Variants in FBN2 observed in about 807,000 individuals in gnomAD.
FBN2 encodes fibrillin 2.
Under a neutral mutation model 355.6 loss-of-function variants are expected in FBN2, and 105 were observed. The ratio of observed to expected loss-of-function variants is 0.30; its 90% CI spans 0.25 to 0.35. The LOEUF (loss-of-function observed/expected upper bound fraction) is 0.35. FBN2 is among the 10% of genes least tolerant of loss of function. FBN2 has a pLI of 1.00. For synonymous variants in FBN2, 1,350 were observed against 1,301.2 expected (o/e 1.04, Z -0.81); for missense variants, 3,280 against 3,758.7 (o/e 0.87, Z 3.33).
At chr5:128,445,721 G>C (rs940174121) in intron 7 of FBN2, among the ~76,000 whole-genome samples, 2 of 152,038 alleles carry the variant, frequency 1.3e-5, no homozygotes, top group African/African-American at 4.8e-5. Context: ...GATAAACATT[G>C]TATCAAAACT....
intron 11 of FBN2, among the ~76,000 whole-genome samples, chr5:128,385,309 T>G (rs1169205949): frequency 6.6e-6 from 1 of 152,086 alleles, no homozygotes. Flanking sequence ...CATATGGTAT[T>G]TGGTTTTCTG....
intron 16 of FBN2, among the ~76,000 whole-genome samples, 167 bp from the exon 17 acceptor site, chr5:128,366,597 A>C (rs1269786714): frequency 6.6e-6 from 1 of 152,064 alleles, no homozygotes; most frequent in Non-Finnish European, 1.5e-5. Context: ...AAAATTCTGA[A>C]CTTATAAATA....
At chr5:128,284,566 G>A (rs1159317775) in intron 55 of FBN2, among the ~76,000 whole-genome samples, 3 of 152,124 alleles carry the variant, frequency 2.0e-5, no homozygotes, top group Non-Finnish European at 2.9e-5. Flanking sequence ...AGCTGGTCAC[G>A]GGTCCTAAAG....
intron 11 of FBN2, among the ~76,000 whole-genome samples, chr5:128,390,202 C>G (rs1752475652): frequency 6.6e-6 from 1 of 152,198 alleles, no homozygotes; most frequent in African/African-American, 2.4e-5. Context: ...ACTTTCAAGT[C>G]TACCACTACT....
At chr5:128,519,625 G>GT (rs952669470) in intron 4 of FBN2, among the ~76,000 whole-genome samples, 16 of 148,590 alleles carry the variant, frequency 1.1e-4, no homozygotes, top group Middle Eastern at 3.5e-3. Context: ...AAGGTTTTTT[G>GT]TTTTTTTTTT....
chr5:128,426,385 C>T (rs1223862994), intron 7 of FBN2, among the ~76,000 whole-genome samples: 1 of 152,064 alleles, frequency 6.6e-6, no homozygotes, highest in African/African-American at 2.4e-5. Flanking sequence ...AAACTTTTGC[C>T]TGTAGACTTA....
intron 4 of FBN2, among the ~76,000 whole-genome samples, chr5:128,527,099 A>G (rs914286846): frequency 6.6e-6 from 1 of 152,180 alleles, no homozygotes; most frequent in Non-Finnish European, 1.5e-5. Context: ...AAAGGGACTT[A>G]TATTTGTGAT....
At chr5:128,272,234 A>C in intron 61 of FBN2, 116 bp from the exon 62 acceptor site, 4 of 1,176,224 alleles carry the variant, frequency 3.4e-6, no homozygotes, top group Non-Finnish European at 5.0e-6. Context: ...CAAACAAGAC[A>C]TGACACATAG....
chr5:128,495,356 C>A (rs1354444664), intron 5 of FBN2, among the ~76,000 whole-genome samples: 1 of 151,744 alleles, frequency 6.6e-6, no homozygotes, highest in Admixed American at 6.6e-5. Context: ...AAAGGAAATA[C>A]CAGAGGAAGA....
intron 5 of FBN2, among the ~76,000 whole-genome samples, chr5:128,507,829 C>T (rs1439444096): frequency 1.3e-4 from 20 of 151,938 alleles, no homozygotes; most frequent in Admixed American, 1.3e-3. Context: ...TTTTCTATGC[C>T]CGTATTGACT....
intron 6 of FBN2, among the ~76,000 whole-genome samples, chr5:128,458,678 C>T (rs1025452981): frequency 1.3e-5 from 2 of 152,048 alleles, no homozygotes; most frequent in Admixed American, 1.3e-4. Context: ...GGAAACTGAA[C>T]AACCTGCTCC....
intron 11 of FBN2, among the ~76,000 whole-genome samples, chr5:128,389,158 T>A (rs1003262202): frequency 1.3e-5 from 2 of 152,234 alleles, no homozygotes; most frequent in Non-Finnish European, 2.9e-5. Flanking sequence ...TATGAAATTC[T>A]TGTAGTGAGT....
intron 62 of FBN2, among the ~76,000 whole-genome samples, chr5:128,270,181 C>A (rs1323712897): frequency 6.6e-6 from 1 of 152,128 alleles, no homozygotes. Context: ...TTACACCTTA[C>A]ACAAAAATTA....
In FBN2 at chr5:128,311,952, A is replaced by G. The variant is rs1431688270; in HGVS notation, c.4881T>C (p.Thr1627=). 9 of 1,607,464 alleles carry G rather than the reference A, an allele frequency of 5.6e-6. No individual in the cohort carries two copies. Among genetic ancestry groups the G allele is most frequent in the Non-Finnish European group, 7.7e-6 (9 of 1,174,184 alleles). ...PCETCPPVNS[T]EYYTLCPGGE... ...CTCCGGGACACAGGGTGTAATATTC[A>G]GCTACAAAACAATAGAAAAATAAGA... Residue 1627 remains threonine, a splice_region_variant and synonymous_variant, in exon 38 of 65, where the codon ACT becomes ACC. Coordinates refer to ENST00000262464, the MANE Select transcript of FBN2 (RefSeq NM_001999.4).
intron 5 of FBN2, among the ~76,000 whole-genome samples, chr5:128,469,995 A>G (rs150139424): frequency 1.6e-3 from 241 of 152,336 alleles, no homozygotes; most frequent in African/African-American, 5.5e-3. Flanking sequence ...GGTAGTTTTC[A>G]AAGCAATGGG....
intron 19 of FBN2, among the ~76,000 whole-genome samples, chr5:128,358,683 G>A (rs535810450): frequency 1.5e-4 from 23 of 151,964 alleles, no homozygotes; most frequent in Non-Finnish European, 2.7e-4. Context: ...ACATCAATCC[G>A]AGTAGAGAAA....
intron 18 of FBN2, among the ~76,000 whole-genome samples, chr5:128,363,175 C>T (rs1751681917): frequency 6.6e-6 from 1 of 151,894 alleles, no homozygotes; most frequent in African/African-American, 2.4e-5. Flanking sequence ...CTCCCCTTCC[C>T]TCCCTTCCCT....
At chr5:128,285,148 C>T (rs1433380120) in intron 55 of FBN2, among the ~76,000 whole-genome samples, 1 of 152,164 alleles carries the variant, frequency 6.6e-6, no homozygotes, top group Non-Finnish European at 1.5e-5. Context: ...TCCTGTATAA[C>T]TTTAATTCCC....
chr5:128,309,838 T>TA, intron 40 of FBN2, 145 bp downstream of exon 40: 1 of 935,832 alleles, frequency 1.1e-6, no homozygotes, highest in South Asian at 1.4e-5. Flanking sequence ...AACTTGATAC[T>TA]AAGCCAGCAG....
Sources: gnomAD v4.1 joint callset for allele counts (sites outside exome capture counted in the v4.1 genomes callset) on GRCh38, gnomAD v4.1.1 for gene constraint, MANE v1.5 for transcripts, NCBI Gene and HGNC (gene_info 2026-07-23, HGNC 2026-07-21) for gene names.